GLG1: variants seen among roughly 807,000 people sequenced by gnomAD.
GLG1 encodes Golgi apparatus protein 1.
In GLG1, 38 loss-of-function variants were observed where a neutral mutation model predicts 160.5. That is an observed-to-expected ratio of 0.24 (90% CI 0.18 to 0.31). The LOEUF is 0.31. GLG1 is among the 10% of genes least tolerant of loss of function. GLG1 has a pLI of 1.00. For synonymous variants in GLG1, 644 were observed against 543.4 expected (o/e 1.19, Z -2.57); for missense variants, 1,373 against 1,505.2 (o/e 0.91, Z 1.45).
chr16:74,521,689 G>A (rs956053370), intron 2 of GLG1, among the ~76,000 whole-genome samples: 22 of 152,182 alleles, frequency 1.4e-4, no homozygotes, highest in Admixed American at 3.3e-4. Flanking sequence ...TAAAGTCTGA[G>A]GTTCTATGGA....
In GLG1 at chr16:74,467,855, G is replaced by C. The variant is rs781674410; in HGVS notation, c.2437-7C>G. ...CCAAGCGGATGTCCTCCGTCTGCAT[G>C]AGGGAGCCAGCATGGAAAGGTGAGC... On this transcript the variant is annotated splice_polypyrimidine_tract_variant and splice_region_variant and intron_variant, in intron 17 of 25. Transcript: ENST00000422840. The C allele has an allele frequency of 3.8e-6, 6 of 1,593,152 alleles. No homozygotes were observed. The highest frequency in any genetic ancestry group is 5.2e-6 in the Non-Finnish European group (6 of 1,162,912).
chr16:74,510,723 T>C (rs760226337), intron 2 of GLG1, among the ~76,000 whole-genome samples: 96 of 152,204 alleles, frequency 6.3e-4, no homozygotes, highest in Non-Finnish European at 1.2e-3. Flanking sequence ...ACATACTGTG[T>C]TCCAGACACA....
In GLG1 at chr16:74,493,137, G is replaced by T; in HGVS notation, c.1054C>A (p.Arg352=). 1 of 1,607,562 alleles carries T rather than the reference G, an allele frequency of 6.2e-7. No individual in the cohort carries two copies. Among genetic ancestry groups the T allele is most frequent in the South Asian group, 1.1e-5 (1 of 90,346 alleles). ...TTTTGGCGGGTTGTAAGTGCTTCTC[G>T]ACACTGAGGAAAGAGTACAGCAACA... ...KFEESMSEKC[R]EALTTRQKLI... The change falls in exon 7 of 26, where the codon CGA becomes AGA. Residue 352 remains arginine (R), a synonymous_variant. Coordinates refer to ENST00000422840, the MANE Select transcript of GLG1 (RefSeq NM_001145667.2).
At chr16:74,553,724 C>T (rs1351620748) in intron 1 of GLG1, among the ~76,000 whole-genome samples, 1 of 152,114 alleles carries the variant, frequency 6.6e-6, no homozygotes, top group Non-Finnish European at 1.5e-5. Context: ...CCACCCGCCT[C>T]GGCCTCCCAA....
chr16:74,472,036 C>A (rs913977952), intron 14 of GLG1, among the ~76,000 whole-genome samples: 17 of 152,176 alleles, frequency 1.1e-4, no homozygotes, highest in Admixed American at 8.5e-4. Flanking sequence ...CCCTAGGTAA[C>A]TGGAACTACA....
At chr16:74,467,112 G>C in intron 18 of GLG1, among the ~76,000 whole-genome samples, 1 of 152,114 alleles carries the variant, frequency 6.6e-6, no homozygotes, top group Admixed American at 6.5e-5. Flanking sequence ...AAACCTATCA[G>C]AAACAGATTA....
chr16:74,494,032 G>T (rs2016094680), intron 6 of GLG1, among the ~76,000 whole-genome samples: 2 of 151,896 alleles, frequency 1.3e-5, no homozygotes, highest in Non-Finnish European at 2.9e-5. Flanking sequence ...AAAATTAGCT[G>T]GGCGTGTTGT....
At chr16:74,506,798 A>C (rs780760078) in intron 3 of GLG1, among the ~76,000 whole-genome samples, 3 of 152,120 alleles carry the variant, frequency 2.0e-5, no homozygotes, top group African/African-American at 4.8e-5. Flanking sequence ...GCTGGATAGC[A>C]CTTTTTCCTT....
chr16:74,570,987 C>A (rs2018809668), intron 1 of GLG1, among the ~76,000 whole-genome samples: 1 of 151,646 alleles, frequency 6.6e-6, no homozygotes, highest in Admixed American at 6.6e-5. Context: ...CCTCACTTGG[C>A]ACTTTAACCT....
intron 2 of GLG1, among the ~76,000 whole-genome samples, chr16:74,521,517 G>A (rs2017163740): frequency 6.6e-6 from 1 of 152,122 alleles, no homozygotes; most frequent in African/African-American, 2.4e-5. Context: ...TGAAGTGTAA[G>A]AGGAGAAGAA....
chr16:74,522,819 G>C (rs1454387536), intron 2 of GLG1, among the ~76,000 whole-genome samples: 1 of 152,100 alleles, frequency 6.6e-6, no homozygotes, highest in East Asian at 1.9e-4. Flanking sequence ...AAGTAGCTGG[G>C]ACCACAGGCC....
chr16:74,513,516 G>C (rs2016879622), intron 2 of GLG1, among the ~76,000 whole-genome samples: 1 of 152,108 alleles, frequency 6.6e-6, no homozygotes, highest in Non-Finnish European at 1.5e-5. Flanking sequence ...GTCTGGAATG[G>C]ACTTCCAGCA....
Position 74,474,703 on chromosome 16 carries a change from C to A in GLG1, c.1966-71G>T, listed in dbSNP as rs898571409. The A allele has an allele frequency of 5.3e-4, 421 of 790,824 alleles. 3 individuals carry two copies. Among genetic ancestry groups the A allele is most frequent in the Non-Finnish European group, 7.4e-5 (32 of 430,392 alleles). The allele number at this position is 790,824 out of a possible 1,614,324, so 49.0% of individuals were successfully genotyped here. A position where few individuals can be genotyped will look rare whatever the true frequency, so the allele number is the denominator to read the frequency against. On this transcript the variant is annotated intron_variant, in intron 12 of 25. Transcript: ENST00000422840. ...TGAACAAGGCAAGGGGAGATATCAGCGTCATGACACTTCCCTTTTCAGTGG... is the reference window on the plus strand; with the variant it reads ...TGAACAAGGCAAGGGGAGATATCAGAGTCATGACACTTCCCTTTTCAGTGG...
At chr16:74,555,980 C>T (rs1597343538) in intron 1 of GLG1, among the ~76,000 whole-genome samples, 2 of 152,158 alleles carry the variant, frequency 1.3e-5, no homozygotes, top group Non-Finnish European at 2.9e-5. Flanking sequence ...CCTGGGACTA[C>T]AGGCACATGC....
At chr16:74,529,458 CTA>C (rs1325069616) in intron 2 of GLG1, among the ~76,000 whole-genome samples, 1 of 151,846 alleles carries the variant, frequency 6.6e-6, no homozygotes, top group African/African-American at 2.4e-5. Flanking sequence ...TTATTTTCCT[CTA>C]TTTTATTTAT....
intron 13 of GLG1, among the ~76,000 whole-genome samples, chr16:74,473,208 C>G (rs569433073): frequency 6.6e-6 from 1 of 151,692 alleles, no homozygotes; most frequent in African/African-American, 2.4e-5. Flanking sequence ...GTTTCTAATC[C>G]CCCTTTTTTT....
intron 1 of GLG1, chr16:74,563,111 A>T (rs2018553181): frequency 6.6e-6 from 1 of 152,218 alleles, no homozygotes; most frequent in Admixed American, 6.6e-5. Flanking sequence ...CTTACCTCTC[A>T]ATGTTTTCCT....
intron 1 of GLG1, among the ~76,000 whole-genome samples, chr16:74,548,612 T>C (rs2018113513): frequency 6.6e-6 from 1 of 152,020 alleles, no homozygotes; most frequent in African/African-American, 2.4e-5. Context: ...ACTTCCTTCG[T>C]GGACAATTTT....
chr16:74,560,578 G>C (rs905808609), intron 1 of GLG1, among the ~76,000 whole-genome samples: 3 of 152,156 alleles, frequency 2.0e-5, no homozygotes, highest in Admixed American at 6.5e-5. Flanking sequence ...GACCTCAGGT[G>C]ATCTGCCTGC....
Sources: gnomAD v4.1 joint callset for allele counts (sites outside exome capture counted in the v4.1 genomes callset) on GRCh38, gnomAD v4.1.1 for gene constraint, MANE v1.5 for transcripts, NCBI Gene and HGNC (gene_info 2026-07-23, HGNC 2026-07-21) for gene names.